The following SPART variants were observed in gnomAD, a reference collection of about 807,000 sequenced individuals.
The protein encoded by SPART is spastic paraplegia 20 (Troyer syndrome).
Under a neutral mutation model 58.7 loss-of-function variants are expected in SPART, and 35 were observed. That is an observed-to-expected ratio of 0.60 (90% CI 0.46 to 0.79). The LOEUF (loss-of-function observed/expected upper bound fraction) is 0.79, where lower values mean the gene tolerates loss of function less well. Among genes scored for constraint, SPART ranks in the 30% least tolerant of loss-of-function variants. The pLI is 0.00. For synonymous variants in SPART, 284 were observed against 280.7 expected (o/e 1.01, Z -0.12); for missense variants, 730 against 786.1 (o/e 0.93, Z 0.85).
In SPART at chr13:36,312,153, GACAGTTTGT is replaced by G; in HGVS notation, c.1716_1724del (p.Gln573_Val575del). 6.2e-7 allele frequency: 1 copy of G among 1,612,924 alleles called. No individual in the cohort carries two copies. Among genetic ancestry groups the G allele is most frequent in the Non-Finnish European group, 8.5e-7 (1 of 1,178,924 alleles). On this transcript the variant is annotated inframe_deletion, in exon 8 of 9. Coordinates refer to ENST00000438666, the MANE Select transcript of SPART (RefSeq NM_015087.5). ...AATAAAATTCAACTTACTTGTATCT[GACAGTTTGT>G]ACAGTTTCTGCTGAAACATTGTTAA...
chr13:36,358,426 A>T (rs978109748), intron 1 of SPART, among the ~76,000 whole-genome samples: 1 of 152,218 alleles, frequency 6.6e-6, no homozygotes, highest in African/African-American at 2.4e-5. Context: ...AGGAGAAATG[A>T]AAGTTGAATT....
At position 36,304,320 on chromosome 13, in the gene SPART, C is replaced by A; in HGVS notation, c.*45G>T. 1 of 1,612,386 alleles carries A rather than the reference C, an allele frequency of 6.2e-7. No homozygotes were observed. The highest frequency in any genetic ancestry group is 1.7e-4 in the Middle Eastern group (1 of 5,824). ...CACATTTGCCTATTTAACAAAATTT[C>A]ATCCATTTCATAAGGCTTTGGTATA... On this transcript the variant is annotated 3_prime_UTR_variant, in exon 9 of 9. Coordinates refer to ENST00000438666, the MANE Select transcript of SPART (RefSeq NM_015087.5).
intron 2 of SPART, among the ~76,000 whole-genome samples, chr13:36,334,271 A>C (rs1346869595): frequency 1.3e-5 from 2 of 152,168 alleles, no homozygotes; most frequent in Non-Finnish European, 2.9e-5. Flanking sequence ...AATCCACAGC[A>C]ATGCCCTGAC....
At chr13:36,319,021 C>T (rs1040703551) in intron 5 of SPART, among the ~76,000 whole-genome samples, 6 of 152,098 alleles carry the variant, frequency 3.9e-5, no homozygotes, top group Admixed American at 1.3e-4. Context: ...TTAATCAATA[C>T]GGAGGCTACC....
chr13:36,340,458 T>G (rs1279440151), intron 1 of SPART, among the ~76,000 whole-genome samples: 2 of 151,902 alleles, frequency 1.3e-5, no homozygotes, highest in Non-Finnish European at 2.9e-5. Flanking sequence ...AAGGATCATC[T>G]TTAAAATACT....
intron 5 of SPART, among the ~76,000 whole-genome samples, chr13:36,321,536 C>T: frequency 6.6e-6 from 1 of 152,050 alleles, no homozygotes; most frequent in East Asian, 1.9e-4. Context: ...TTCTAACAAC[C>T]CCACAATATC....
Position 36,335,623 on chromosome 13 carries a change from C to G in SPART, c.208G>C (p.Gly70Arg). 1 of 1,614,064 alleles carries G rather than the reference C, an allele frequency of 6.2e-7. No homozygotes were observed. Among genetic ancestry groups the G allele is most frequent in the Admixed American group, 1.7e-5 (1 of 60,006 alleles). ...TGCATCTGTCTAGCAGATTCCCACC[C>G]AGGACCTGTGTGTTCAGACTCTTTT... ...SSKESEHTGP[G>R]WESARQMQQK... Residue 70 changes from glycine to arginine, a missense_variant, in exon 2 of 9, where the codon GGG (glycine) becomes CGG (arginine). Coordinates refer to ENST00000438666, the MANE Select transcript of SPART (RefSeq NM_015087.5).
intron 8 of SPART, among the ~76,000 whole-genome samples, chr13:36,310,786 A>G (rs9547229): frequency 0.24 from 36,956 of 151,966 alleles, 4,891 homozygotes; most frequent in East Asian, 0.51. Context: ...GGAAAGCCAA[A>G]GGAAGAACAC....
chr13:36,359,486 T>G (rs1885754134), intron 1 of SPART, among the ~76,000 whole-genome samples: 1 of 152,194 alleles, frequency 6.6e-6, no homozygotes, highest in Admixed American at 6.5e-5. Context: ...AGACATATAC[T>G]TAATGCCATG....
rs769980473 is a variant in SPART at position 36,335,574 on chromosome 13, T to C, written c.257A>G (p.Gln86Arg). The C allele has an allele frequency of 1.4e-5, 22 of 1,613,702 alleles. No individual in the cohort carries two copies. Among genetic ancestry groups the C allele is most frequent in the Non-Finnish European group, 1.8e-5 (21 of 1,179,940 alleles). ...AATTTCCAGCCTGGTGCGTACATTC[T>C]GTAGAGTTTCTTTCATTTTCTGTTG... is the stretch of plus-strand genomic sequence containing the variant. ...QMQQKMKETL[Q>R]NVRTRLEILE... Residue 86 changes from glutamine to arginine, a missense_variant, in exon 2 of 9, where the codon CAG becomes CGG. Coordinates refer to ENST00000438666, the MANE Select transcript of SPART (RefSeq NM_015087.5).
chr13:36,302,777 GTTA>G lies in SPART; in HGVS notation c.*1585_*1587del, dbSNP rs1555256762. 1 of 152,114 alleles carries G rather than the reference GTTA, an allele frequency of 6.6e-6. No homozygotes were observed. The allele number at this position is 152,114 out of a possible 1,614,324, so 9.4% of individuals were successfully genotyped here. A position where few individuals can be genotyped will look rare whatever the true frequency, so the allele number is the denominator to read the frequency against. On this transcript the variant is annotated 3_prime_UTR_variant, in exon 9 of 9. Transcript: ENST00000438666. ...ACTCTTTTATTTTTAAATGTATAAA[GTTA>G]TTGTTGACTGTAGTCACCCTGTTGG...
chr13:36,369,634 A>G (rs1230059581), intron 1 of SPART: 1 of 152,206 alleles, frequency 6.6e-6, no homozygotes, highest in African/African-American at 2.4e-5. Context: ...TGACTTTAAC[A>G]TAATTTAATG....
At chr13:36,331,234 C>T (rs1346346092) in intron 3 of SPART, among the ~76,000 whole-genome samples, 165 bp downstream of exon 3, 1 of 152,220 alleles carries the variant, frequency 6.6e-6, no homozygotes, top group Non-Finnish European at 1.5e-5. Flanking sequence ...ATCTTAACCA[C>T]TATTACAGCA....
At chr13:36,322,514 G>T (rs1276459523) in intron 5 of SPART, among the ~76,000 whole-genome samples, 2 of 152,134 alleles carry the variant, frequency 1.3e-5, no homozygotes, top group African/African-American at 4.8e-5. Context: ...CTGGTAAAAA[G>T]CTAGCTGAAC....
At chr13:36,323,438 G>T (rs770948909) in intron 5 of SPART, among the ~76,000 whole-genome samples, 12 of 151,950 alleles carry the variant, frequency 7.9e-5, no homozygotes, top group Admixed American at 2.6e-4. Flanking sequence ...AGCCTATACA[G>T]GTAAACTTTC....
intron 1 of SPART, among the ~76,000 whole-genome samples, chr13:36,357,819 G>A (rs943366638): frequency 1.3e-5 from 2 of 152,188 alleles, no homozygotes; most frequent in African/African-American, 2.4e-5. Flanking sequence ...GAAGAAAAAT[G>A]TGTGATGAAT....
intron 3 of SPART, among the ~76,000 whole-genome samples, chr13:36,330,029 C>T (rs1593255147): frequency 6.6e-6 from 1 of 152,240 alleles, no homozygotes; most frequent in Middle Eastern, 3.4e-3. Flanking sequence ...AGTTGAAGTT[C>T]TGGGACAGTA....
intron 6 of SPART, among the ~76,000 whole-genome samples, chr13:36,313,733 C>A (rs1471535996): frequency 6.6e-6 from 1 of 152,180 alleles, no homozygotes; most frequent in East Asian, 1.9e-4. Flanking sequence ...TAGGCTATAT[C>A]ATATAGCCTA....
chr13:36,365,685 T>C (rs1382047660), intron 1 of SPART: 1 of 446,366 alleles, frequency 2.2e-6, no homozygotes, highest in Admixed American at 2.7e-5. Flanking sequence ...TATATACTTG[T>C]AGATGCCTTT....
Sources: gnomAD v4.1 joint callset for allele counts (sites outside exome capture counted in the v4.1 genomes callset) on GRCh38, gnomAD v4.1.1 for gene constraint, MANE v1.5 for transcripts, NCBI Gene and HGNC (gene_info 2026-07-23, HGNC 2026-07-21) for gene names.